The following PIWIL2 variants were observed in gnomAD, a reference collection of about 807,000 sequenced individuals.
The protein encoded by PIWIL2 is piwi-like protein 2.
Under a neutral mutation model 116.5 loss-of-function variants are expected in PIWIL2, and 81 were observed. The ratio of observed to expected loss-of-function variants is 0.70; its 90% CI spans 0.58 to 0.84. The LOEUF (loss-of-function observed/expected upper bound fraction) is 0.84, where lower values mean the gene tolerates loss of function less well. Among genes scored for constraint, PIWIL2 ranks in the 40% least tolerant of loss-of-function variants. The pLI is 0.00. For missense variants in PIWIL2, 1,272 were observed against 1,212.3 expected (o/e 1.05, Z -0.73); for synonymous variants, 489 against 429.5 (o/e 1.14, Z -1.71).
Position 22,307,999 on chromosome 8 carries a change from A to G in PIWIL2, c.1612A>G (p.Arg538Gly). Residue 538 changes from arginine (R) to glycine (G), a missense_variant, in exon 14 of 23, where the codon AGA (arginine) becomes GGA (glycine). Arg to Gly is a moderately radical substitution (Grantham distance 125). Transcript: ENST00000356766. ...TAGTGCTTTGGAATGCTTGCTGCAAAGAATTGCAAAGAACGAGGCAGCCAC... is the reference window on the plus strand; with the variant it reads ...TAGTGCTTTGGAATGCTTGCTGCAAGGAATTGCAAAGAACGAGGCAGCCAC... ...HHSALECLLQ[R>G]IAKNEAATNE... 1.2e-6 allele frequency: 2 copies of G among 1,613,828 alleles called. No individual in the cohort carries two copies. The highest frequency in any genetic ancestry group is 1.7e-6 in the Non-Finnish European group (2 of 1,179,864).
intron 20 of PIWIL2, among the ~76,000 whole-genome samples, chr8:22,338,911 C>A (rs138892897): frequency 1.1e-3 from 163 of 152,130 alleles, no homozygotes; most frequent in African/African-American, 3.8e-3. Flanking sequence ...TTAAAAAATA[C>A]ACTCACAGTT....
At chr8:22,355,097 AC>A (rs1167349071) in intron 22 of PIWIL2, among the ~76,000 whole-genome samples, 21 of 151,322 alleles carry the variant, frequency 1.4e-4, no homozygotes, top group African/African-American at 4.4e-4. Flanking sequence ...AAAAACAACA[AC>A]AACAAAAAAA....
intron 19 of PIWIL2, among the ~76,000 whole-genome samples, 181 bp downstream of exon 19, chr8:22,316,514 C>G (rs1586572403): frequency 6.6e-6 from 1 of 152,014 alleles, no homozygotes; most frequent in East Asian, 1.9e-4. Flanking sequence ...TGGAGTCTCC[C>G]TCTGTCACCC....
chr8:22,314,473 C>T (rs751702157), intron 17 of PIWIL2, 44 bp downstream of exon 17: 7 of 987,172 alleles, frequency 7.1e-6, no homozygotes, highest in Middle Eastern at 2.4e-4. Flanking sequence ...CACCTCTCGC[C>T]TCCCCGAGGC....
At chr8:22,324,214 A>G (rs142711834) in intron 20 of PIWIL2, among the ~76,000 whole-genome samples, 1,670 of 152,338 alleles carry the variant, frequency 0.011, 19 homozygotes, top group Non-Finnish European at 0.02. Context: ...GTGTGCCAAG[A>G]TCACGCCACT....
chr8:22,327,493 G>C (rs935289762), intron 20 of PIWIL2, among the ~76,000 whole-genome samples: 1 of 150,824 alleles, frequency 6.6e-6, no homozygotes, highest in African/African-American at 2.4e-5. Flanking sequence ...TCAGCCTCCT[G>C]AGTAGCTGGG....
chr8:22,284,911 G>A (rs902225496), intron 6 of PIWIL2, among the ~76,000 whole-genome samples: 6 of 152,130 alleles, frequency 3.9e-5, no homozygotes, highest in Non-Finnish European at 8.8e-5. Flanking sequence ...GAAAATGAGT[G>A]TTTTGAAATA....
chr8:22,346,763 T>A (rs566586266), intron 20 of PIWIL2, among the ~76,000 whole-genome samples: 4 of 152,260 alleles, frequency 2.6e-5, no homozygotes, highest in African/African-American at 9.6e-5. Context: ...GAAATAACAA[T>A]AAGCCAGGCA....
intron 16 of PIWIL2, among the ~76,000 whole-genome samples, chr8:22,312,975 T>C (rs972950769): frequency 6.6e-6 from 1 of 152,146 alleles, no homozygotes; most frequent in Non-Finnish European, 1.5e-5. Context: ...TGATCTACCA[T>C]GCCTGTCATA....
chr8:22,278,045 G>A (rs1830417574), intron 1 of PIWIL2, among the ~76,000 whole-genome samples: 2 of 152,018 alleles, frequency 1.3e-5, no homozygotes, highest in South Asian at 4.2e-4. Context: ...CTGCATGCCT[G>A]TAATCCCAGC....
chr8:22,292,256 A>G (rs926624504), intron 10 of PIWIL2, among the ~76,000 whole-genome samples: 2 of 151,926 alleles, frequency 1.3e-5, no homozygotes, highest in African/African-American at 2.4e-5. Flanking sequence ...TGAGCAGTGC[A>G]CGGGCAAGAC....
At chr8:22,295,047 C>G (rs1223150078) in intron 10 of PIWIL2, among the ~76,000 whole-genome samples, 1 of 151,882 alleles carries the variant, frequency 6.6e-6, no homozygotes, top group Non-Finnish European at 1.5e-5. Flanking sequence ...CCAGTGTACT[C>G]TAGCCTGGGC....
rs145975562 is a variant in PIWIL2, at chr8:22,310,105, A to G, written c.1800+31A>G. The G allele has an allele frequency of 1.4e-3, 1,560 of 1,152,178 alleles. 16 individuals carry two copies. In the African/African-American group the frequency reaches 0.021, roughly 16 times the overall value. The allele number at this position is 1,152,178 out of a possible 1,614,324, so 71.4% of individuals were successfully genotyped here. ...TGATTTTTGAAGTGATAAAGAGAGG[A>G]CCAGTATTCCCCAAAGTGTGGGAAT... is the stretch of plus-strand genomic sequence containing the variant. On this transcript the variant is annotated intron_variant, in intron 15 of 22. Coordinates refer to ENST00000356766, the MANE Select transcript of PIWIL2 (RefSeq NM_018068.5).
chr8:22,288,749 A>G, intron 8 of PIWIL2, 83 bp downstream of exon 8: 1 of 1,241,990 alleles, frequency 8.1e-7, no homozygotes, highest in Non-Finnish European at 1.1e-6. Flanking sequence ...TTGGATGGAA[A>G]TACGTGACAG....
In PIWIL2 at chr8:22,279,383, GT is replaced by G; in HGVS notation, c.-3del. The G allele has an allele frequency of 1.2e-6, 2 of 1,613,238 alleles. No homozygotes were observed. The highest frequency in any genetic ancestry group is 2.2e-5 in the South Asian group (2 of 91,050). ...GATCGACACGTGTTCTCTACAGCCC[GT>G]CCATGGATCCTTTCCGACCATCGTT... On this transcript the variant is annotated 5_prime_UTR_variant, in exon 2 of 23. Transcript: ENST00000356766.
At chr8:22,322,954 G>T (rs375356726) in intron 20 of PIWIL2, among the ~76,000 whole-genome samples, 228 of 152,130 alleles carry the variant, frequency 1.5e-3, no homozygotes, top group African/African-American at 5.2e-3. Flanking sequence ...GTCTCTCTCT[G>T]TTGCCAGGCT....
At chr8:22,291,483 T>A (rs1172914424) in intron 10 of PIWIL2, among the ~76,000 whole-genome samples, 4 of 152,126 alleles carry the variant, frequency 2.6e-5, no homozygotes, top group Non-Finnish European at 5.9e-5. Context: ...TTGCATGAAA[T>A]CTCATCTTAC....
chr8:22,289,851 A>C lies in PIWIL2; in HGVS notation c.991A>C (p.Met331Leu). 1 of 1,594,944 alleles carries C rather than the reference A, an allele frequency of 6.3e-7. No individual in the cohort carries two copies. Residue 331 changes from methionine (M) to leucine (L), a missense_variant, in exon 9 of 23, where the codon ATG (methionine) becomes CTG (leucine). Met to Leu is a conservative substitution (Grantham distance 15). Coordinates refer to ENST00000356766, the MANE Select transcript of PIWIL2 (RefSeq NM_018068.5). ...CATACTTGCTTTTTATTTCAGGGTA[A>C]TGAAACTTTTAGATATGAAGCTTGT... ...PFYNVVFRRV[M>L]KLLDMKLVGR... is the part of the protein sequence containing the mutation.
At chr8:22,326,654 T>C (rs1327234601) in intron 20 of PIWIL2, among the ~76,000 whole-genome samples, 1 of 152,242 alleles carries the variant, frequency 6.6e-6, no homozygotes, top group Non-Finnish European at 1.5e-5. Flanking sequence ...TTTATCTGTG[T>C]TGTAGCATAT....
Sources: allele counts gnomAD v4.1 joint callset (sites outside exome capture counted in the v4.1 genomes callset), GRCh38; gene constraint gnomAD v4.1.1; transcripts MANE v1.5; gene names NCBI Gene and HGNC (gene_info 2026-07-23, HGNC 2026-07-21).